SWT1: variants seen among roughly 807,000 people sequenced by gnomAD.
SWT1 encodes the protein SWT1 RNA endoribonuclease homolog, also known as transcriptional protein SWT1.
A neutral mutation model predicts 107.3 loss-of-function variants in SWT1; 33 were observed. The observed-to-expected ratio is 0.31, with a 90% CI of 0.23 to 0.41. SWT1 has a LOEUF of 0.41. Ranked by LOEUF, SWT1 falls within the 10% of genes least tolerant of loss-of-function variation. The pLI, the probability that SWT1 is intolerant of heterozygous loss-of-function variation, is 1.00. For synonymous variants in SWT1, 345 were observed against 348.3 expected (o/e 0.99, Z 0.11); for missense variants, 898 against 1,028.9 (o/e 0.87, Z 1.74).
chr1:185,223,973 A>G (rs972254647), intron 15 of SWT1, among the ~76,000 whole-genome samples: 8 of 152,194 alleles, frequency 5.3e-5, no homozygotes, highest in African/African-American at 1.9e-4. Flanking sequence ...AAGCAGCCAT[A>G]AGAAAGAATG....
intron 10 of SWT1, among the ~76,000 whole-genome samples, chr1:185,199,902 T>C (rs962724562): frequency 1.3e-5 from 2 of 152,206 alleles, no homozygotes; most frequent in Non-Finnish European, 2.9e-5. Flanking sequence ...AGGTTTGGTC[T>C]TTTCACATAG....
At chr1:185,227,861 A>G (rs1187527349) in intron 15 of SWT1, among the ~76,000 whole-genome samples, 1 of 151,816 alleles carries the variant, frequency 6.6e-6, no homozygotes, top group African/African-American at 2.4e-5. Flanking sequence ...AGAGAGAGGT[A>G]GGAGGATTGC....
At chr1:185,206,399 A>G (rs1439645426) in intron 12 of SWT1, among the ~76,000 whole-genome samples, 4 of 152,150 alleles carry the variant, frequency 2.6e-5, no homozygotes, top group African/African-American at 9.7e-5. Flanking sequence ...TCTTTTTTGC[A>G]CAGTTTCTGA....
chr1:185,234,283 A>G (rs1428451832), intron 16 of SWT1, among the ~76,000 whole-genome samples: 2 of 152,190 alleles, frequency 1.3e-5, no homozygotes, highest in Non-Finnish European at 2.9e-5. Flanking sequence ...AACTTGCTTT[A>G]TGAATCTGGG....
At chr1:185,166,464 A>G (rs1394896345) in intron 2 of SWT1, 108 bp from the exon 3 acceptor site, 1 of 693,958 alleles carries the variant, frequency 1.4e-6, no homozygotes, top group Non-Finnish European at 2.4e-6. Flanking sequence ...ACCGAAGTTC[A>G]TTATTGAATG....
intron 17 of SWT1, among the ~76,000 whole-genome samples, chr1:185,275,753 A>T (rs945243152): frequency 6.6e-6 from 1 of 152,100 alleles, no homozygotes; most frequent in African/African-American, 2.4e-5. Flanking sequence ...TAAACTTTCT[A>T]TGAAAACATT....
rs1658361261 is a variant in SWT1, at chr1:185,206,706, G to A, written c.1915G>A (p.Val639Ile). 6.2e-7 allele frequency: 1 copy of A among 1,608,862 alleles called. No individual in the cohort carries two copies. Among genetic ancestry groups the A allele is most frequent in the Non-Finnish European group, 8.5e-7 (1 of 1,176,798 alleles). ...ACATTGGTTGGCTGTATTTGGATTA[G>A]TTATGGAAAAGAACTTGCTTTTAAC... ...KKHWLAVFGLVMEKNLLLTIE... is the reference protein window; with the variant it reads ...KKHWLAVFGLIMEKNLLLTIE... The change falls in exon 13 of 19, where the codon GTT becomes ATT. Residue 639 changes from valine to isoleucine, a missense_variant. This residue lies in a region of SWT1 where 382 missense variants were observed against 460.0 expected (regional missense o/e 0.83). Coordinates refer to ENST00000367500, the MANE Select transcript of SWT1 (RefSeq NM_017673.7).
At chr1:185,186,352 G>C (rs1656463622) in intron 9 of SWT1, among the ~76,000 whole-genome samples, 1 of 152,276 alleles carries the variant, frequency 6.6e-6, no homozygotes, top group East Asian at 1.9e-4. Context: ...TGGTAACTTT[G>C]TAGAAGAGCA....
chr1:185,178,292 G>A (rs1440067521), intron 5 of SWT1, among the ~76,000 whole-genome samples: 2 of 152,126 alleles, frequency 1.3e-5, no homozygotes, highest in South Asian at 2.1e-4. Context: ...AGTCAAGATG[G>A]GTAGAGAATC....
At chr1:185,178,818 T>C (rs1280864513) in intron 5 of SWT1, among the ~76,000 whole-genome samples, 3 of 152,220 alleles carry the variant, frequency 2.0e-5, no homozygotes, top group African/African-American at 7.2e-5. Context: ...GGTCATGGAA[T>C]AGTAAAACTA....
At chr1:185,282,185 A>G (rs891141944) in intron 18 of SWT1, among the ~76,000 whole-genome samples, 1 of 152,200 alleles carries the variant, frequency 6.6e-6, no homozygotes, top group Non-Finnish European at 1.5e-5. Flanking sequence ...GTAATTTACA[A>G]AATTGCTGAA....
At chr1:185,223,818 G>C (rs1659854439) in intron 15 of SWT1, among the ~76,000 whole-genome samples, 1 of 151,980 alleles carries the variant, frequency 6.6e-6, no homozygotes, top group South Asian at 2.1e-4. Context: ...CCCTCCAATA[G>C]GCCCCAGTGT....
chr1:185,237,289 T>C (rs1660956352), intron 16 of SWT1, among the ~76,000 whole-genome samples: 1 of 152,306 alleles, frequency 6.6e-6, no homozygotes, highest in East Asian at 1.9e-4. Flanking sequence ...TAGCAAAGAC[T>C]TGAAACCAAC....
At position 185,192,522 on chromosome 1, in the gene SWT1, G is replaced by C. The variant is rs370959847; in HGVS notation, c.1523+1880G>C. 5.3e-4 allele frequency among the ~76,000 whole-genome samples: 80 copies of C among 152,196 alleles called. 1 individual carries two copies. Among genetic ancestry groups the C allele is most frequent in the African/African-American group, 1.7e-3 (71 of 41,498 alleles). The stretch of plus-strand genomic sequence containing the variant: ...TGGTCTCAAACTCCTGGGCTCAAGT[G>C]ATCCTCCTTCCTCAGCCCCTGAGTA... On this transcript the variant is annotated intron_variant, in intron 10 of 18. Coordinates refer to ENST00000367500, the MANE Select transcript of SWT1 (RefSeq NM_017673.7).
intron 18 of SWT1, among the ~76,000 whole-genome samples, chr1:185,282,705 G>A (rs1290375508): frequency 2.6e-5 from 4 of 151,996 alleles, no homozygotes; most frequent in African/African-American, 4.8e-5. Flanking sequence ...TGATGAGCCC[G>A]CAACCTGTGG....
chr1:185,208,031 G>C (rs544683475), intron 13 of SWT1, among the ~76,000 whole-genome samples: 2 of 152,022 alleles, frequency 1.3e-5, no homozygotes, highest in South Asian at 4.1e-4. Context: ...TATATCCAGC[G>C]TACTTCTGAA....
At chr1:185,217,421 C>T (rs1174610102) in intron 14 of SWT1, among the ~76,000 whole-genome samples, 1 of 152,082 alleles carries the variant, frequency 6.6e-6, no homozygotes, top group Non-Finnish European at 1.5e-5. Flanking sequence ...GAGCATGAAC[C>T]CTATTGTGAA....
At chr1:185,266,255 G>T (rs75895130) in intron 16 of SWT1, among the ~76,000 whole-genome samples, 1 of 152,026 alleles carries the variant, frequency 6.6e-6, no homozygotes, top group Non-Finnish European at 1.5e-5. Context: ...TAGTAGACAC[G>T]GGGTTTCACC....
At chr1:185,166,706 A>G (rs1267785326) in intron 3 of SWT1, 54 bp downstream of exon 3, 4 of 1,179,204 alleles carry the variant, frequency 3.4e-6, no homozygotes, top group Non-Finnish European at 3.7e-6. Flanking sequence ...GTTTTAATCG[A>G]CAGTGTTTGT....
Sources: gnomAD v4.1 joint callset for allele counts (sites outside exome capture counted in the v4.1 genomes callset) on GRCh38, gnomAD v4.1.1 for gene constraint, gnomAD v4.1.1 regional missense constraint, MANE v1.5 for transcripts, NCBI Gene and HGNC (gene_info 2026-07-23, HGNC 2026-07-21) for gene names.